The following LRBA variants were observed in gnomAD, a reference collection of about 807,000 sequenced individuals.
LRBA encodes the protein lipopolysaccharide-responsive and beige-like anchor protein.
Under a neutral mutation model 330.0 loss-of-function variants are expected in LRBA, and 176 were observed. The ratio of observed to expected loss-of-function variants is 0.53; its 90% CI spans 0.47 to 0.60. The LOEUF is 0.60. LRBA is among the 20% of genes least tolerant of loss of function. The pLI is 0.00. For synonymous variants in LRBA, 1,230 were observed against 1,193.0 expected (o/e 1.03, Z -0.64); for missense variants, 3,259 against 3,444.8 (o/e 0.95, Z 1.35).
chr4:150,360,025 A>ATTTTT (rs1738457924), intron 47 of LRBA, among the ~76,000 whole-genome samples: 2 of 152,098 alleles, frequency 1.3e-5, no homozygotes, highest in African/African-American at 2.4e-5. Context: ...CAATAGTGGA[A>ATTTTT]TGCACAAGCC....
chr4:150,877,230 C>G (rs978738183), intron 17 of LRBA, among the ~76,000 whole-genome samples: 2 of 149,912 alleles, frequency 1.3e-5, no homozygotes, highest in East Asian at 3.9e-4. Context: ...TGCACTCCAG[C>G]CTGAATGACA....
intron 37 of LRBA, among the ~76,000 whole-genome samples, chr4:150,609,943 A>T (rs1775055855): frequency 6.6e-6 from 1 of 152,192 alleles, no homozygotes; most frequent in African/African-American, 2.4e-5. Context: ...GAAGTAACTA[A>T]GGTCATCTCT....
chr4:150,344,156 T>TA (rs35876577), intron 48 of LRBA, among the ~76,000 whole-genome samples: 11 of 151,332 alleles, frequency 7.3e-5, no homozygotes, highest in African/African-American at 1.9e-4. Context: ...ATTTACTCAT[T>TA]AAAAAAAAAT....
chr4:150,565,706 C>T (rs1157208420), intron 40 of LRBA, among the ~76,000 whole-genome samples: 1 of 151,980 alleles, frequency 6.6e-6, no homozygotes, highest in Non-Finnish European at 1.5e-5. Flanking sequence ...TTCTTTAACA[C>T]ATAAAACACT....
chr4:150,784,225 G>A (rs1046480896), intron 34 of LRBA, among the ~76,000 whole-genome samples: 2 of 152,176 alleles, frequency 1.3e-5, no homozygotes, highest in African/African-American at 4.8e-5. Context: ...TGGTGATGCT[G>A]TAGGAGTTAT....
chr4:150,813,219 T>A (rs1744046617), intron 31 of LRBA, among the ~76,000 whole-genome samples: 1 of 151,626 alleles, frequency 6.6e-6, no homozygotes, highest in African/African-American at 2.4e-5. Flanking sequence ...GGATACTGTA[T>A]TCTAGGTAAT....
At chr4:150,582,660 T>A (rs1771528812) in intron 40 of LRBA, 1 of 195,126 alleles carries the variant, frequency 5.1e-6, no homozygotes, top group Non-Finnish European at 1.1e-5. Context: ...AAGCCTAACC[T>A]TTTGGTATCC....
In LRBA at chr4:150,861,914, G is replaced by A. The variant is rs540312657; in HGVS notation, c.2766+5757C>T. 2.0e-5 allele frequency among the ~76,000 whole-genome samples: 3 copies of A among 151,840 alleles called. 1 individual carries two copies. In the South Asian group the frequency reaches 6.2e-4, roughly 32 times the overall value. On this transcript the variant is annotated intron_variant, in intron 22 of 56. Transcript: ENST00000651943. ...GAGAATTGCTTGAACCTGGGAGGTG[G>A]AGGTTGCAGTGGGCCAAGATTACAC...
intron 37 of LRBA, among the ~76,000 whole-genome samples, chr4:150,638,252 C>T (rs979526662): frequency 3.9e-5 from 6 of 152,130 alleles, no homozygotes; most frequent in Non-Finnish European, 8.8e-5. Context: ...TGGTCTTGAA[C>T]TCCTGACCTC....
Position 150,413,758 on chromosome 4 carries a change from A to G in LRBA, c.7194+1680T>C, listed in dbSNP as rs1371733135. Among the ~76,000 whole-genome samples the G allele has an allele frequency of 2.0e-5, 3 of 152,112 alleles. No individual in the cohort carries two copies. The East Asian group carries it at 5.8e-4, about 29-fold the overall frequency. ...TGAATTGCATACTTTAAGAAGTTGAATTTTATTATATATAGATTGTACCTC... is the reference window on the plus strand; with the variant it reads ...TGAATTGCATACTTTAAGAAGTTGAGTTTTATTATATATAGATTGTACCTC... On this transcript the variant is annotated intron_variant, in intron 47 of 56. Coordinates refer to ENST00000651943, the MANE Select transcript of LRBA (RefSeq NM_001364905.1).
chr4:150,972,707 T>G (rs547640981), intron 2 of LRBA, among the ~76,000 whole-genome samples: 37 of 152,360 alleles, frequency 2.4e-4, no homozygotes, highest in African/African-American at 8.9e-4. Context: ...AAAGCAATCT[T>G]TGTCAGCTTC....
chr4:150,410,627 TTC>T (rs1178164567), intron 47 of LRBA, among the ~76,000 whole-genome samples: 1 of 152,136 alleles, frequency 6.6e-6, no homozygotes, highest in Non-Finnish European at 1.5e-5. Context: ...TTGAGAAGCT[TTC>T]TGTTTCAACA....
intron 36 of LRBA, among the ~76,000 whole-genome samples, chr4:150,704,312 C>T (rs978154386): frequency 4.0e-5 from 6 of 151,878 alleles, no homozygotes; most frequent in African/African-American, 1.5e-4. Context: ...TGTGCCAAAA[C>T]ATTGTCTTGC....
chr4:150,755,966 A>G (rs1190964330), intron 35 of LRBA, among the ~76,000 whole-genome samples: 1 of 151,720 alleles, frequency 6.6e-6, no homozygotes, highest in African/African-American at 2.4e-5. Context: ...GGATCACTTG[A>G]GCCAGGGAGG....
At chr4:151,004,712 G>A (rs57029739) in intron 2 of LRBA, among the ~76,000 whole-genome samples, 16,693 of 151,996 alleles carry the variant, frequency 0.11, 1,279 homozygotes, top group South Asian at 0.29. Context: ...ACGGCTGGGC[G>A]CGGTGGCTCA....
At chr4:150,683,850 T>C in intron 36 of LRBA, 133 bp from the exon 37 acceptor site, 1 of 616,494 alleles carries the variant, frequency 1.6e-6, no homozygotes, top group South Asian at 2.3e-5. Flanking sequence ...TTCACCTAAC[T>C]GAGATTTAGT....
chr4:151,007,221 G>A (rs923358424), intron 2 of LRBA, among the ~76,000 whole-genome samples: 6 of 152,182 alleles, frequency 3.9e-5, no homozygotes, highest in African/African-American at 1.4e-4. Context: ...TGGCACTCTA[G>A]CCGGGTGCAG....
At chr4:150,936,865 T>C (rs1406820216) in intron 2 of LRBA, among the ~76,000 whole-genome samples, 1 of 152,078 alleles carries the variant, frequency 6.6e-6, no homozygotes, top group East Asian at 1.9e-4. Flanking sequence ...AGAGTTTTAA[T>C]AGTGTGAAAT....
chr4:150,495,961 A>G (rs566360510), intron 40 of LRBA, among the ~76,000 whole-genome samples: 2 of 152,278 alleles, frequency 1.3e-5, no homozygotes, highest in South Asian at 4.1e-4. Flanking sequence ...TAAGCTTTCA[A>G]TTGTTTTAAA....
Sources: gnomAD v4.1 joint callset for allele counts (sites outside exome capture counted in the v4.1 genomes callset) on GRCh38, gnomAD v4.1.1 for gene constraint, MANE v1.5 for transcripts, NCBI Gene and HGNC (gene_info 2026-07-23, HGNC 2026-07-21) for gene names.